The following MED12L variants were observed in gnomAD, a reference collection of about 807,000 sequenced individuals.
MED12L encodes mediator complex subunit 12L.
In MED12L, 60 loss-of-function variants were observed where a neutral mutation model predicts 281.3. The observed-to-expected ratio is 0.21, with a 90% CI of 0.17 to 0.26. MED12L has a LOEUF of 0.26. MED12L is among the 10% of genes least tolerant of loss of function. MED12L has a pLI of 1.00. For missense variants in MED12L, 2,146 were observed against 2,680.9 expected, an observed-to-expected ratio of 0.80 and a Z score of 4.41; for synonymous variants, 974 against 987.2, an observed-to-expected ratio of 0.99 and a Z score of 0.25.
intron 39 of MED12L, among the ~76,000 whole-genome samples, chr3:151,397,089 T>C (rs1292695380): frequency 6.6e-6 from 1 of 152,244 alleles, no homozygotes; most frequent in African/African-American, 2.4e-5. Context: ...CTGATTCTTT[T>C]GTGCTAACTC....
chr3:151,372,594 T>C lies in MED12L; in HGVS notation c.3692T>C (p.Val1231Ala). 1.9e-6 allele frequency: 3 copies of C among 1,613,872 alleles called. No individual in the cohort carries two copies. Among genetic ancestry groups the C allele is most frequent in the Non-Finnish European group, 2.5e-6 (3 of 1,179,798 alleles). Reference sequence around the variant, plus strand: ...GATGCCAAAATTGGCAATAACAGTGTCAGCTCTTTAAAGAATGATGACTTC... The same window carrying C: ...GATGCCAAAATTGGCAATAACAGTGCCAGCTCTTTAAAGAATGATGACTTC... ...LGDAKIGNNS[V>A]SSLKNDDFTM... Residue 1231 changes from valine to alanine, a missense_variant, in exon 27 of 45, where the codon GTC becomes GCC. Physicochemically the swap from Val to Ala is moderately conservative, Grantham distance 64. This residue lies in a region of MED12L where 235 missense variants were observed against 260.3 expected (regional missense o/e 0.90). Transcript: ENST00000687756.
At chr3:151,123,495 G>C (rs1369541256) in intron 4 of MED12L, among the ~76,000 whole-genome samples, 1 of 152,126 alleles carries the variant, frequency 6.6e-6, no homozygotes, top group Non-Finnish European at 1.5e-5. Context: ...TTATAGGGGA[G>C]GGGATGTGGG....
At chr3:151,146,031 A>G (rs1576824595) in intron 5 of MED12L, among the ~76,000 whole-genome samples, 1 of 152,152 alleles carries the variant, frequency 6.6e-6, no homozygotes, top group African/African-American at 2.4e-5. Context: ...AAAATGTTTC[A>G]GTTACCCATT....
intron 16 of MED12L, among the ~76,000 whole-genome samples, chr3:151,290,601 AT>A (rs1744118016): frequency 6.7e-6 from 1 of 149,314 alleles, no homozygotes; most frequent in African/African-American, 2.5e-5. Context: ...TATTTGTAGC[AT>A]TTTCCCATGA....
chr3:151,412,464 C>T (rs1312822544), intron 41 of MED12L, among the ~76,000 whole-genome samples: 4 of 152,220 alleles, frequency 2.6e-5, no homozygotes, highest in Admixed American at 6.5e-5. Flanking sequence ...TCATGTAAAA[C>T]GTGTCCATCT....
At position 151,434,500 on chromosome 3, in the gene MED12L, T is replaced by G. The variant is rs2108504850; in HGVS notation, c.*1696T>G. On this transcript the variant is annotated 3_prime_UTR_variant, in exon 45 of 45. Coordinates refer to ENST00000687756, the MANE Select transcript of MED12L (RefSeq NM_001393769.1). ...TTAAAAACTATTCTTTTCACTAAAT[T>G]AATAGTCTATCTGCTTTCAGAAGAT... is the stretch of plus-strand genomic sequence containing the variant. 7.6e-6 allele frequency: 1 copy of G among 131,040 alleles called. No homozygotes were observed. Among genetic ancestry groups the G allele is most frequent in the South Asian group, 2.7e-4 (1 of 3,764 alleles). The allele number at this position is 131,040 out of a possible 1,614,324, so 8.1% of individuals were successfully genotyped here. A position where few individuals can be genotyped will look rare whatever the true frequency, so the allele number is the denominator to read the frequency against.
chr3:151,353,861 G>A (rs957517668), intron 17 of MED12L, among the ~76,000 whole-genome samples: 4 of 152,134 alleles, frequency 2.6e-5, no homozygotes, highest in Non-Finnish European at 4.4e-5. Context: ...CACAGTGCTG[G>A]CCGGGCGCGG....
intron 16 of MED12L, among the ~76,000 whole-genome samples, chr3:151,203,623 A>T (rs1325246015): frequency 6.6e-6 from 1 of 152,100 alleles, no homozygotes; most frequent in Non-Finnish European, 1.5e-5. Flanking sequence ...TTATTAAAAA[A>T]AGAAGTAAAC....
chr3:151,368,383 G>A (rs1755546972), intron 25 of MED12L, 132 bp downstream of exon 25: 2 of 709,666 alleles, frequency 2.8e-6, no homozygotes, highest in Admixed American at 4.5e-5. Context: ...GATGAAGGGT[G>A]AGATGATACT....
At position 151,378,012 on chromosome 3, in the gene MED12L, T is replaced by G. The variant is rs1300092243; in HGVS notation, c.4317T>G (p.Ser1439Arg). The G allele has an allele frequency of 6.3e-7, 1 of 1,593,002 alleles. No individual in the cohort carries two copies. The highest frequency in any genetic ancestry group is 1.1e-5 in the South Asian group (1 of 88,678). The part of the protein sequence containing the change: ...TRQNGIKTFL[S>R]SSERRGVWLV... The stretch of plus-strand genomic sequence containing the variant: ...GTGTAACACCTGTTTCTGATTTTAG[T>G]TCCTCCGAACGCAGGGGTGTATGGT... Residue 1439 changes from serine to arginine, a missense_variant and splice_region_variant, in exon 31 of 45, where the codon AGT (serine) becomes AGG (arginine). This residue lies in a region of MED12L where 235 missense variants were observed against 260.3 expected (regional missense o/e 0.90). Transcript: ENST00000687756.
chr3:151,198,190 T>G (rs1270095489), intron 16 of MED12L: 1 of 365,672 alleles, frequency 2.7e-6, no homozygotes, highest in African/African-American at 2.1e-5. Context: ...ATTCGTTCAA[T>G]GAGACTCTTT....
chr3:151,270,242 T>TGTGTGTGTGTGTGTGTGTGTGTGTG (rs1553764758), intron 16 of MED12L: 2 of 155,072 alleles, frequency 1.3e-5, no homozygotes, highest in Non-Finnish European at 2.8e-5. Context: ...TGTGTGTGTG[T>TGTGTGTGTGTGTGTGTGTGTGTGTG]TTTCTTTTGG....
chr3:151,424,956 C>T (rs181129509), intron 43 of MED12L, among the ~76,000 whole-genome samples: 47 of 152,292 alleles, frequency 3.1e-4, no homozygotes, highest in African/African-American at 1.1e-3. Flanking sequence ...ACAGCAAAAA[C>T]CTCTTAACTG....
chr3:151,186,751 G>A (rs113989382), intron 12 of MED12L, among the ~76,000 whole-genome samples: 3 of 150,034 alleles, frequency 2.0e-5, no homozygotes, highest in East Asian at 2.0e-4. Context: ...TCTTTCTCAC[G>A]TCACTGTTTT....
chr3:151,167,326 A>C (rs1416014234), intron 11 of MED12L, among the ~76,000 whole-genome samples: 1 of 152,224 alleles, frequency 6.6e-6, no homozygotes, highest in African/African-American at 2.4e-5. Flanking sequence ...TGCCGATGAT[A>C]ATATCCAGCC....
intron 16 of MED12L, among the ~76,000 whole-genome samples, chr3:151,237,045 CTTTT>C (rs56926535): frequency 1.6e-5 from 2 of 125,876 alleles, no homozygotes; most frequent in South Asian, 2.6e-4. Flanking sequence ...TGATGCCAAA[CTTTT>C]TTTTTTTTTT....
chr3:151,387,750 C>A (rs1713636784), intron 36 of MED12L, 60 bp from the exon 37 acceptor site: 1 of 1,539,270 alleles, frequency 6.5e-7, no homozygotes, highest in African/African-American at 1.4e-5. Context: ...CCATACAAGC[C>A]TGGCCTATGA....
Position 151,413,695 on chromosome 3 carries a change from T to C in MED12L, c.6297+400T>C, listed in dbSNP as rs16863372. 6.4e-3 allele frequency among the ~76,000 whole-genome samples: 972 copies of C among 152,290 alleles called. 11 individuals are homozygous for C. The highest frequency in any genetic ancestry group is 0.022 in the African/African-American group (920 of 41,556). ...AGCTTTCATCAGATTCCTAGAGCAT[T>C]CTGCAATCTAAAAACATTTCTATAA... On this transcript the variant is annotated intron_variant, in intron 42 of 44. Coordinates refer to ENST00000687756, the MANE Select transcript of MED12L (RefSeq NM_001393769.1).
At position 151,164,025 on chromosome 3, in the gene MED12L, A is replaced by G; in HGVS notation, c.1240A>G (p.Thr414Ala). The G allele has an allele frequency of 6.2e-7, 1 of 1,613,426 alleles. No homozygotes were observed. Among genetic ancestry groups the G allele is most frequent in the Non-Finnish European group, 8.5e-7 (1 of 1,179,620 alleles). ...PSSLPMPGGNTAFNQQVRARI... is the reference protein window; with the variant it reads ...PSSLPMPGGNAAFNQQVRARI... The stretch of plus-strand genomic sequence containing the variant: ...CAGCCTCCCCATGCCGGGTGGGAAC[A>G]CGGCTTTCAATCAGCAGGTAGACTT... The change falls in exon 9 of 45, where the codon ACG becomes GCG. Residue 414 changes from threonine (T) to alanine (A), a missense_variant. Coordinates refer to ENST00000687756, the MANE Select transcript of MED12L (RefSeq NM_001393769.1).
Sources: gnomAD v4.1 joint callset for allele counts (sites outside exome capture counted in the v4.1 genomes callset) on GRCh38, gnomAD v4.1.1 for gene constraint, gnomAD v4.1.1 regional missense constraint, MANE v1.5 for transcripts, NCBI Gene and HGNC (gene_info 2026-07-23, HGNC 2026-07-21) for gene names.